The following CEP192 variants were observed in gnomAD, a reference collection of about 807,000 sequenced individuals.
CEP192 encodes centrosomal protein 192.
Under a neutral mutation model 271.8 loss-of-function variants are expected in CEP192, and 151 were observed. The observed-to-expected ratio is 0.56, with a 90% CI of 0.49 to 0.64. The LOEUF is 0.64. Among genes scored for constraint, CEP192 ranks in the 30% least tolerant of loss-of-function variants. The pLI, the probability that CEP192 is intolerant of heterozygous loss-of-function variation, is 0.00. For synonymous variants in CEP192, 995 were observed against 1,076.5 expected (o/e 0.92, Z 1.48); for missense variants, 2,910 against 3,020.5 (o/e 0.96, Z 0.86).
In CEP192 at chr18:13,119,084, C is replaced by T. The variant is rs371099592; in HGVS notation, c.7475+1441C>T. Among the ~76,000 whole-genome samples the T allele has an allele frequency of 1.8e-4, 28 of 152,174 alleles. No individual in the cohort carries two copies. In the South Asian group the frequency reaches 2.1e-3, roughly 11 times the overall value. ...TTGAGACTAGTGATGCTCTAGTGTGCGTAATAATAGGTTGGAACTACTAAA... is the reference window on the plus strand; with the variant it reads ...TTGAGACTAGTGATGCTCTAGTGTGTGTAATAATAGGTTGGAACTACTAAA... On this transcript the variant is annotated intron_variant, in intron 44 of 44. Transcript: ENST00000506447.
rs763978218 is a variant in CEP192, at chr18:13,048,831, A to G, written c.2068-28A>G. Reference sequence around the variant, plus strand: ...ATGTTCATGAAACTGGGGTAAATTTATCTGATGTTTAATTTTCTCACTTCT... The same window carrying G: ...ATGTTCATGAAACTGGGGTAAATTTGTCTGATGTTTAATTTTCTCACTTCT... On this transcript the variant is annotated intron_variant, in intron 15 of 44. Transcript: ENST00000506447. 11 of 1,453,578 alleles carry G rather than the reference A, an allele frequency of 7.6e-6. 1 individual carries two copies. In the Admixed American group the frequency reaches 1.4e-4, roughly 19 times the overall value. 90.0% of individuals were successfully genotyped at this position (1,453,578 alleles called of 1,614,324 possible). A position where few individuals can be genotyped will look rare whatever the true frequency, so the allele number is the denominator to read the frequency against.
chr18:13,024,777 T>C (rs1376188210), intron 9 of CEP192, among the ~76,000 whole-genome samples: 1 of 148,296 alleles, frequency 6.7e-6, no homozygotes, highest in African/African-American at 2.5e-5. Context: ...TTTTTATTCA[T>C]TTATTTTTTT....
At chr18:13,016,417 G>A (rs2034648948) in intron 6 of CEP192, among the ~76,000 whole-genome samples, 1 of 152,270 alleles carries the variant, frequency 6.6e-6, no homozygotes, top group East Asian at 1.9e-4. Flanking sequence ...GTAGACTGGG[G>A]CCACATTATG....
chr18:13,031,735 A>G (rs1219704236), intron 11 of CEP192, among the ~76,000 whole-genome samples: 1 of 152,242 alleles, frequency 6.6e-6, no homozygotes, highest in African/African-American at 2.4e-5. Flanking sequence ...AGTCATCGGC[A>G]TCATGAGAAA....
chr18:13,102,692 C>T (rs866445550), intron 38 of CEP192, among the ~76,000 whole-genome samples: 2 of 152,312 alleles, frequency 1.3e-5, no homozygotes, highest in Middle Eastern at 6.8e-3. Context: ...CTCAAGTTTT[C>T]CTGCCTCACC....
rs1281972663 is a variant in CEP192, at chr18:13,092,437, T to C, written c.6164T>C (p.Ile2055Thr). 2.5e-6 allele frequency: 4 copies of C among 1,605,676 alleles called. No individual in the cohort carries two copies. Among genetic ancestry groups the C allele is most frequent in the Non-Finnish European group, 2.6e-6 (3 of 1,173,646 alleles). Residue 2055 changes from isoleucine to threonine, a missense_variant, in exon 34 of 45, where the codon ATT becomes ACT. Transcript: ENST00000506447. The part of the protein sequence containing the change: ...VQLFYGSMCK[I>T]ILSVIGEFRD... ...CTCTTTTATGGAAGCATGTGTAAAA[T>C]TATACTTTCAGTAATTGGAGAATTC...
intron 3 of CEP192, among the ~76,000 whole-genome samples, chr18:13,005,732 A>G (rs547390432): frequency 6.6e-6 from 1 of 152,336 alleles, no homozygotes. Flanking sequence ...AGCAGCCTGG[A>G]GAGGCATGGC....
Position 13,113,663 on chromosome 18 carries a change from G to C in CEP192, c.7125G>C (p.Glu2375Asp), listed in dbSNP as rs1251230287. Residue 2375 changes from glutamate (E) to aspartate (D), a missense_variant, in exon 41 of 45, where the codon GAG becomes GAC. Coordinates refer to ENST00000506447, the MANE Select transcript of CEP192 (RefSeq NM_032142.4). Reference protein sequence around the residue: ...FWDVECHPLKEPHMKHTLRFQ... With the variant: ...FWDVECHPLKDPHMKHTLRFQ... ...ATGTTGAATGTCACCCTCTTAAGGA[G>C]CCTCACATGAAACACACGTTGAGAT... is the stretch of plus-strand genomic sequence containing the variant. The C allele has an allele frequency of 6.2e-7, 1 of 1,613,472 alleles. No homozygotes were observed. Among genetic ancestry groups the C allele is most frequent in the Non-Finnish European group, 8.5e-7 (1 of 1,179,622 alleles).
intron 21 of CEP192, among the ~76,000 whole-genome samples, chr18:13,060,836 A>T (rs987940522): frequency 6.6e-6 from 1 of 152,084 alleles, no homozygotes; most frequent in African/African-American, 2.4e-5. Flanking sequence ...AGGTGAGAGG[A>T]TCACTAGAGC....
intron 15 of CEP192, among the ~76,000 whole-genome samples, chr18:13,046,488 G>T (rs1268805278): frequency 1.3e-5 from 2 of 151,784 alleles, no homozygotes; most frequent in African/African-American, 2.4e-5. Flanking sequence ...TTTTTCTTTT[G>T]GCATTCTTAG....
At chr18:13,011,226 CAAAA>C (rs200151034) in intron 4 of CEP192, among the ~76,000 whole-genome samples, 2 of 130,076 alleles carry the variant, frequency 1.5e-5, no homozygotes, top group Non-Finnish European at 1.7e-5. Flanking sequence ...GACTCTGTCT[CAAAA>C]AAAAAAAAAA....
chr18:13,116,963 C>T (rs574737678), intron 43 of CEP192, among the ~76,000 whole-genome samples: 31 of 151,584 alleles, frequency 2.0e-4, no homozygotes, highest in Non-Finnish European at 4.3e-4. Flanking sequence ...TGACTCACAC[C>T]TGTAATTCAG....
Position 13,037,230 on chromosome 18 carries a change from T to C in CEP192, c.1535-7T>C. On this transcript the variant is annotated splice_region_variant and splice_polypyrimidine_tract_variant and intron_variant, in intron 11 of 44. Transcript: ENST00000506447. ...GTAATGTATTTATATAAACATTCTT[T>C]TTTAAGCTGAAGCATTTGATTTGAT... 2 of 1,212,028 alleles carry C rather than the reference T, an allele frequency of 1.7e-6. No individual in the cohort carries two copies. Among genetic ancestry groups the C allele is most frequent in the East Asian group, 5.1e-5 (2 of 39,054 alleles). 75.1% of individuals were successfully genotyped at this position (1,212,028 alleles called of 1,614,324 possible).
intron 9 of CEP192, among the ~76,000 whole-genome samples, chr18:13,026,980 TA>T (rs1331282011): frequency 1.3e-5 from 2 of 152,190 alleles, no homozygotes; most frequent in African/African-American, 4.8e-5. Context: ...ATGTACCAAG[TA>T]AAAGAACTAC....
intron 38 of CEP192, among the ~76,000 whole-genome samples, chr18:13,101,453 A>G (rs1325550349): frequency 6.6e-6 from 1 of 152,150 alleles, no homozygotes; most frequent in Non-Finnish European, 1.5e-5. Context: ...AGCAGTTAGC[A>G]TGGTGTTTGT....
At chr18:13,040,469 G>C (rs2036143623) in intron 13 of CEP192, among the ~76,000 whole-genome samples, 1 of 152,156 alleles carries the variant, frequency 6.6e-6, no homozygotes, top group Non-Finnish European at 1.5e-5. Context: ...ATTTTTCAAG[G>C]ATGTGTTTAT....
rs566733517 is a variant in CEP192 at position 13,067,869 on chromosome 18, C to T, written c.4527C>T (p.Asp1509=). ...AGAAAGACGTTCTTGATTTTGGTGA[C>T]TTGACTTATGGAGGCTGGAAAGCCC... ...TEKKDVLDFG[D]LTYGGWKALP... Residue 1509 remains aspartate (D), a synonymous_variant, in exon 22 of 45, where the codon GAC becomes GAT. Coordinates refer to ENST00000506447, the MANE Select transcript of CEP192 (RefSeq NM_032142.4). 3 of 1,612,432 alleles carry T rather than the reference C, an allele frequency of 1.9e-6. No homozygotes were observed. The highest frequency in any genetic ancestry group is 2.7e-5 in the African/African-American group (2 of 75,004).
chr18:13,068,020 T>C, intron 22 of CEP192, 64 bp downstream of exon 22: 1 of 1,602,720 alleles, frequency 6.2e-7, no homozygotes. Context: ...AAGTACATTT[T>C]TTTAAGGATT....
intron 15 of CEP192, among the ~76,000 whole-genome samples, chr18:13,042,953 C>T (rs757947263): frequency 1.7e-4 from 26 of 152,148 alleles, no homozygotes; most frequent in Non-Finnish European, 3.4e-4. Flanking sequence ...GTGTGTATGT[C>T]GTAGGGTTTG....
Sources: allele counts gnomAD v4.1 joint callset (sites outside exome capture counted in the v4.1 genomes callset), GRCh38; gene constraint gnomAD v4.1.1; transcripts MANE v1.5; gene names NCBI Gene and HGNC (gene_info 2026-07-23, HGNC 2026-07-21).